SAMD5: variants seen among roughly 807,000 people sequenced by gnomAD.
SAMD5 encodes the protein sterile alpha motif domain-containing protein 5.
SAMD5 carries 13 observed loss-of-function variants against 11.3 expected under a neutral mutation model. That is an observed-to-expected ratio of 1.15 (90% confidence interval 0.75 to 1.83). The LOEUF (loss-of-function observed/expected upper bound fraction) is 1.83. SAMD5 is among the 40% of genes most tolerant of loss of function. SAMD5 has a pLI of 0.00. For missense variants in SAMD5, 255 were observed against 239.1 expected (o/e 1.07, Z -0.44); for synonymous variants, 129 against 111.3 (o/e 1.16, Z -1.00).
At chr6:147,785,976 C>A in the SAMD5 span, among the ~76,000 whole-genome samples, 49,362 of 152,048 alleles carry the variant, frequency 0.32, 8,761 homozygotes, top group African/African-American at 0.48. Flanking sequence ...GCGGTTCTTG[C>A]AGTGATGGTG....
intron 1 of SAMD5, chr6:147,676,041 T>C (rs1790857954): frequency 2.0e-5 from 3 of 152,234 alleles, no homozygotes; most frequent in Admixed American, 2.0e-4. Flanking sequence ...TAAGTTGCTT[T>C]TATGGTAATT....
chr6:147,574,807 CT>C (rs983791033), downstream of SAMD5, among the ~76,000 whole-genome samples: 3 of 152,118 alleles, frequency 2.0e-5, no homozygotes, highest in African/African-American at 7.2e-5. Flanking sequence ...GGGAGCACCC[CT>C]CATGGCCTAC....
intron 1 of SAMD5, among the ~76,000 whole-genome samples, chr6:147,545,780 TCA>T (rs1232866815): frequency 1.3e-5 from 2 of 152,196 alleles, no homozygotes; most frequent in African/African-American, 2.4e-5. Context: ...CATACATAAA[TCA>T]GGTTATATAC....
intron 1 of SAMD5, among the ~76,000 whole-genome samples, chr6:147,518,254 C>T (rs907464545): frequency 1.2e-4 from 19 of 152,068 alleles, no homozygotes; most frequent in African/African-American, 2.4e-4. Context: ...AAGCCCTCTA[C>T]GAAACTACCA....
chr6:147,816,746 T>C, the SAMD5 span, among the ~76,000 whole-genome samples: 3 of 152,158 alleles, frequency 2.0e-5, no homozygotes, highest in Non-Finnish European at 4.4e-5. Flanking sequence ...ACAATAGGGA[T>C]ACTGTTAGCC....
At chr6:147,622,137 C>G (rs568312184) in intron 1 of SAMD5, among the ~76,000 whole-genome samples, 32 of 152,120 alleles carry the variant, frequency 2.1e-4, no homozygotes, top group Non-Finnish European at 4.3e-4. Context: ...ACAGTCATCC[C>G]TCAGTGTCTG....
At chr6:147,847,729 T>C in the SAMD5 span, among the ~76,000 whole-genome samples, 5 of 152,140 alleles carry the variant, frequency 3.3e-5, no homozygotes, top group Non-Finnish European at 7.4e-5. Flanking sequence ...GGCACATGCC[T>C]GAAATTTCAA....
intron 1 of SAMD5, among the ~76,000 whole-genome samples, chr6:147,518,653 A>G (rs1361635113): frequency 6.6e-6 from 1 of 152,216 alleles, no homozygotes; most frequent in Non-Finnish European, 1.5e-5. Context: ...GGAATAAAGT[A>G]CACTGGGAAC....
At chr6:147,883,474 C>T in the SAMD5 span, among the ~76,000 whole-genome samples, 7 of 152,220 alleles carry the variant, frequency 4.6e-5, no homozygotes, top group East Asian at 1.2e-3. Context: ...AACATCAAAC[C>T]GTCTCCCCTT....
At chr6:147,552,928 AACTT>A (rs1451897312) in intron 1 of SAMD5, among the ~76,000 whole-genome samples, 5 of 152,242 alleles carry the variant, frequency 3.3e-5, no homozygotes, top group African/African-American at 1.2e-4. Flanking sequence ...GTGGATGACT[AACTT>A]AATAATGGTG....
At chr6:147,515,183 T>TTTG (rs1788146846) in intron 1 of SAMD5, among the ~76,000 whole-genome samples, 1 of 53,410 alleles carries the variant, frequency 1.9e-5, no homozygotes, top group Admixed American at 1.7e-4. Context: ...CAGGTTTTTT[T>TTTG]TTTTTTTTTT....
At chr6:147,571,591 A>G (rs1789139714), downstream of SAMD5, among the ~76,000 whole-genome samples, 1 of 152,076 alleles carries the variant, frequency 6.6e-6, no homozygotes, top group African/African-American at 2.4e-5. Context: ...TCATGTACCA[A>G]TGACAGGATG....
At chr6:147,550,265 G>T (rs1306590406) in intron 1 of SAMD5, among the ~76,000 whole-genome samples, 1 of 151,990 alleles carries the variant, frequency 6.6e-6, no homozygotes, top group Admixed American at 6.6e-5. Context: ...TCAAAAAATA[G>T]CATGTTGAAG....
chr6:147,653,061 T>C (rs1050120259), intron 1 of SAMD5, among the ~76,000 whole-genome samples: 20 of 152,168 alleles, frequency 1.3e-4, no homozygotes, highest in Admixed American at 3.9e-4. Context: ...ATAAATATAC[T>C]TTCTGAGTAG....
chr6:147,620,848 G>A (rs1407440402), intron 1 of SAMD5, among the ~76,000 whole-genome samples: 2 of 152,120 alleles, frequency 1.3e-5, no homozygotes, highest in African/African-American at 4.8e-5. Flanking sequence ...TGGATGTTGG[G>A]ACTGTGTTTG....
the SAMD5 span, among the ~76,000 whole-genome samples, chr6:147,898,894 G>T: frequency 1.3e-5 from 2 of 151,972 alleles, no homozygotes; most frequent in African/African-American, 4.8e-5. Context: ...AAGATAACAT[G>T]TGTTGGCCGG....
chr6:147,724,662 G>A (rs144908528), intron 1 of SAMD5, among the ~76,000 whole-genome samples: 3 of 152,208 alleles, frequency 2.0e-5, no homozygotes, highest in Admixed American at 6.5e-5. Flanking sequence ...GGCTGCTCAC[G>A]GGGCTTTGCA....
At chr6:147,661,085 T>A (rs1008267983) in intron 1 of SAMD5, among the ~76,000 whole-genome samples, 15 of 152,182 alleles carry the variant, frequency 9.9e-5, no homozygotes, top group Non-Finnish European at 1.9e-4. Flanking sequence ...GTGTGAAAGT[T>A]CTGGATGACA....
chr6:147,878,269 ACTG>A, the SAMD5 span, among the ~76,000 whole-genome samples: 1 of 151,880 alleles, frequency 6.6e-6, no homozygotes, highest in Non-Finnish European at 1.5e-5. Flanking sequence ...CCATATTTTC[ACTG>A]CTGTTTCCTC....
Sources: allele counts gnomAD v4.1 joint callset (sites outside exome capture counted in the v4.1 genomes callset), GRCh38; gene constraint gnomAD v4.1.1; transcripts MANE v1.5; gene names NCBI Gene and HGNC (gene_info 2026-07-23, HGNC 2026-07-21).